The following MED12L variants were observed in gnomAD, a reference collection of about 807,000 sequenced individuals.
The protein encoded by MED12L is mediator complex subunit 12L.
Under a neutral mutation model 281.3 loss-of-function variants are expected in MED12L, and 60 were observed. That is an observed-to-expected ratio of 0.21 (90% CI 0.17 to 0.26). The LOEUF is 0.26. Ranked by LOEUF, MED12L falls within the 10% of genes least tolerant of loss-of-function variation. MED12L has a pLI of 1.00. For missense variants in MED12L, 2,146 were observed against 2,680.9 expected, an observed-to-expected ratio of 0.80 and a Z score of 4.41; for synonymous variants, 974 against 987.2, an observed-to-expected ratio of 0.99 and a Z score of 0.25.
At chr3:151,105,185 C>G (rs760854446) in intron 2 of MED12L, among the ~76,000 whole-genome samples, 2 of 152,176 alleles carry the variant, frequency 1.3e-5, no homozygotes, top group African/African-American at 4.8e-5. Context: ...CTCCTGTTTT[C>G]TCAGGAGCTT....
rs1467321083 is a variant in MED12L, at chr3:151,435,431, T to TAAG, written c.*2628_*2630dup. The TAAG allele has an allele frequency of 6.6e-6, 1 of 151,808 alleles. No homozygotes were observed. The highest frequency in any genetic ancestry group is 2.0e-4 in the East Asian group (1 of 5,038). The allele number at this position is 151,808 out of a possible 1,614,324, so 9.4% of individuals were successfully genotyped here. On this transcript the variant is annotated 3_prime_UTR_variant, in exon 45 of 45. Transcript: ENST00000687756. ...AGCCACAGGGTACTAACATCAGACA[T>TAAG]AAGTTGCAACCAGGTCACATTTTAG... is the stretch of plus-strand genomic sequence containing the variant.
intron 8 of MED12L, 127 bp downstream of exon 8, chr3:151,160,228 A>G (rs750190369): frequency 5.9e-6 from 5 of 850,848 alleles, no homozygotes; most frequent in Non-Finnish European, 9.1e-6. Context: ...CAAGTAATTT[A>G]TTGATTGAAA....
intron 16 of MED12L, among the ~76,000 whole-genome samples, chr3:151,199,870 T>C (rs1725278785): frequency 6.6e-6 from 1 of 152,062 alleles, no homozygotes; most frequent in South Asian, 2.1e-4. Flanking sequence ...CATAGATTCA[T>C]GTGGCTCCTA....
intron 11 of MED12L, among the ~76,000 whole-genome samples, chr3:151,170,038 A>G (rs1462163020): frequency 6.6e-6 from 1 of 152,156 alleles, no homozygotes; most frequent in East Asian, 1.9e-4. Context: ...GGAGGGGAGA[A>G]CTTCTGTCTA....
At chr3:151,177,578 C>A (rs1365674439) in intron 11 of MED12L, among the ~76,000 whole-genome samples, 1 of 152,068 alleles carries the variant, frequency 6.6e-6, no homozygotes, top group Non-Finnish European at 1.5e-5. Context: ...TAGACTTGAA[C>A]TTCTAGGCTC....
intron 11 of MED12L, among the ~76,000 whole-genome samples, chr3:151,181,671 G>A (rs1722717908): frequency 6.7e-6 from 1 of 148,852 alleles, no homozygotes; most frequent in Admixed American, 6.8e-5. Flanking sequence ...CTGCAGCCTC[G>A]GCTTCCTGGG....
At chr3:151,336,378 A>G in intron 16 of MED12L, 1 of 380,942 alleles carries the variant, frequency 2.6e-6, no homozygotes, top group Non-Finnish European at 5.2e-6. Flanking sequence ...TAGTTAAATG[A>G]GTTCAGCTTC....
intron 16 of MED12L, among the ~76,000 whole-genome samples, chr3:151,268,702 T>C (rs1465867566): frequency 6.6e-6 from 1 of 152,182 alleles, no homozygotes; most frequent in African/African-American, 2.4e-5. Flanking sequence ...TTCTAACCTA[T>C]AGGGCATTTA....
rs1328701229 is a variant in MED12L, at chr3:151,288,136, G to A, written c.2251-61923G>A. On this transcript the variant is annotated intron_variant, in intron 16 of 44. Transcript: ENST00000687756. ...AATGTAGGCATTACTGCCCCAGAGAGTATTTGTTGATTTCAGGATATTTTC... is the reference window on the plus strand; with the variant it reads ...AATGTAGGCATTACTGCCCCAGAGAATATTTGTTGATTTCAGGATATTTTC... 2.0e-5 allele frequency among the ~76,000 whole-genome samples: 3 copies of A among 152,190 alleles called. No homozygotes were observed. The East Asian group carries it at 5.8e-4, about 29-fold the overall frequency.
At chr3:151,135,309 A>G (rs1715985501) in intron 5 of MED12L, among the ~76,000 whole-genome samples, 1 of 152,200 alleles carries the variant, frequency 6.6e-6, no homozygotes, top group African/African-American at 2.4e-5. Flanking sequence ...GAGCTACCAC[A>G]CCTGGCCTGA....
chr3:151,432,215 T>C (rs959447992), intron 44 of MED12L, among the ~76,000 whole-genome samples: 1 of 152,206 alleles, frequency 6.6e-6, no homozygotes, highest in African/African-American at 2.4e-5. Context: ...CCATTCCTTG[T>C]TTCTGTATGC....
chr3:151,110,039 C>G (rs900655950), intron 2 of MED12L, among the ~76,000 whole-genome samples: 1 of 152,180 alleles, frequency 6.6e-6, no homozygotes, highest in South Asian at 2.1e-4. Flanking sequence ...AAGCTTAAAT[C>G]TCTGTAAGGA....
chr3:151,273,689 A>G (rs540133847), intron 16 of MED12L, among the ~76,000 whole-genome samples: 1 of 152,272 alleles, frequency 6.6e-6, no homozygotes, highest in African/African-American at 2.4e-5. Context: ...TCAAGATTTG[A>G]AGCCAAAAAG....
At chr3:151,182,528 T>C (rs1722826664) in intron 11 of MED12L, among the ~76,000 whole-genome samples, 1 of 152,034 alleles carries the variant, frequency 6.6e-6, no homozygotes, top group East Asian at 1.9e-4. Context: ...CCTCCAGATT[T>C]TAGGGCAGAT....
At chr3:151,416,479 C>T in intron 43 of MED12L, 57 bp downstream of exon 43, 12 of 1,568,524 alleles carry the variant, frequency 7.7e-6, no homozygotes, top group Non-Finnish European at 1.0e-5. Flanking sequence ...AAGCAGGTTG[C>T]ATTGTTCATG....
At chr3:151,339,295 T>C (rs1434079293) in intron 16 of MED12L, among the ~76,000 whole-genome samples, 1 of 152,064 alleles carries the variant, frequency 6.6e-6, no homozygotes, top group Non-Finnish European at 1.5e-5. Flanking sequence ...TGAGCTTCTT[T>C]TACTGTAGTA....
At chr3:151,388,451 C>G (rs1262671107) in intron 37 of MED12L, among the ~76,000 whole-genome samples, 1 of 152,076 alleles carries the variant, frequency 6.6e-6, no homozygotes, top group Admixed American at 6.5e-5. Context: ...TCCTAATTTC[C>G]TCGGGTTTGA....
chr3:151,116,267 A>C, intron 2 of MED12L, 71 bp from the exon 3 acceptor site: 3 of 1,022,712 alleles, frequency 2.9e-6, no homozygotes, highest in Non-Finnish European at 4.4e-6. Context: ...GCCATTACTT[A>C]GGATGCAATA....
chr3:151,344,725 A>G (rs1433411567), intron 16 of MED12L, among the ~76,000 whole-genome samples: 1 of 152,152 alleles, frequency 6.6e-6, no homozygotes, highest in Non-Finnish European at 1.5e-5. Context: ...ATCTGTTTTT[A>G]TTAGTGTTTG....
Sources: allele counts gnomAD v4.1 joint callset (sites outside exome capture counted in the v4.1 genomes callset), GRCh38; gene constraint gnomAD v4.1.1; transcripts MANE v1.5; gene names NCBI Gene and HGNC (gene_info 2026-07-23, HGNC 2026-07-21).